FZD3: variants seen among roughly 807,000 people sequenced by gnomAD.
The protein encoded by FZD3 is frizzled class receptor 3.
A neutral mutation model predicts 60.7 loss-of-function variants in FZD3; 30 were observed. That is an observed-to-expected ratio of 0.49 (90% CI 0.37 to 0.67). FZD3 has a LOEUF of 0.67. FZD3 is among the 30% of genes least tolerant of loss of function. FZD3 has a pLI of 0.00. For missense variants in FZD3, 605 were observed against 838.7 expected (o/e 0.72, Z 3.44); for synonymous variants, 246 against 275.2 (o/e 0.89, Z 1.05).
intron 3 of FZD3, among the ~76,000 whole-genome samples, chr8:28,503,681 G>A (rs1199859461): frequency 6.6e-6 from 1 of 152,154 alleles, no homozygotes; most frequent in Non-Finnish European, 1.5e-5. Flanking sequence ...GTTAATAATA[G>A]GTTTAAATAA....
In FZD3 at chr8:28,520,781, G is replaced by A. The variant is rs759657609; in HGVS notation, c.333G>A (p.Ser111=). ...RLCQRAYSEC[S]KLMEMFGVPW... The stretch of plus-strand genomic sequence containing the variant: ...GTCAGCGGGCTTACAGTGAGTGTTC[G>A]AAGCTCATGGAGATGTTTGGTGTTC... The change falls in exon 4 of 8, where the codon TCG becomes TCA. Residue 111 remains serine (S), a synonymous_variant. Coordinates refer to ENST00000240093, the MANE Select transcript of FZD3 (RefSeq NM_017412.4). The A allele has an allele frequency of 1.2e-5, 20 of 1,609,916 alleles. No homozygotes were observed. The highest frequency in any genetic ancestry group is 6.7e-5 in the African/African-American group (5 of 74,854).
intron 5 of FZD3, among the ~76,000 whole-genome samples, chr8:28,541,954 C>A (rs573425463): frequency 6.6e-6 from 1 of 152,154 alleles, no homozygotes; most frequent in Admixed American, 6.5e-5. Flanking sequence ...TCCTATTCAA[C>A]TTCATGCTTC....
intron 7 of FZD3, among the ~76,000 whole-genome samples, chr8:28,562,450 A>G (rs1397742560): frequency 6.6e-6 from 1 of 151,974 alleles, no homozygotes. Context: ...CATTTCTTCT[A>G]TTTGTTGTTA....
intron 1 of FZD3, among the ~76,000 whole-genome samples, chr8:28,497,557 G>A (rs1272176402): frequency 3.3e-5 from 5 of 152,218 alleles, no homozygotes; most frequent in African/African-American, 9.6e-5. Flanking sequence ...TGTTCGCTCT[G>A]TAGGCACTGT....
chr8:28,558,436 A>T (rs928247878), intron 7 of FZD3, among the ~76,000 whole-genome samples: 26 of 147,348 alleles, frequency 1.8e-4, no homozygotes, highest in East Asian at 6.0e-4. Flanking sequence ...TTATTTATTT[A>T]TTTTTTTTTT....
intron 5 of FZD3, among the ~76,000 whole-genome samples, chr8:28,533,691 C>T (rs1804935776): frequency 6.6e-6 from 1 of 152,122 alleles, no homozygotes; most frequent in South Asian, 2.1e-4. Context: ...CCTCACAAAG[C>T]TGATGGAAAG....
intron 6 of FZD3, among the ~76,000 whole-genome samples, chr8:28,553,051 A>AC (rs1222970269): frequency 6.6e-6 from 1 of 152,330 alleles, no homozygotes; most frequent in East Asian, 1.9e-4. Flanking sequence ...GCATCCTCGA[A>AC]TTTTGGCACC....
chr8:28,516,105 G>C (rs1804419362), intron 3 of FZD3, among the ~76,000 whole-genome samples: 1 of 152,106 alleles, frequency 6.6e-6, no homozygotes, highest in Non-Finnish European at 1.5e-5. Context: ...AGAGTCTAAC[G>C]TTATGCTTTT....
rs900516522 is a variant in FZD3, at chr8:28,567,290, A to T, written c.*4279A>T. 4 of 152,208 alleles carry T rather than the reference A, an allele frequency of 2.6e-5. No homozygotes were observed. The highest frequency in any genetic ancestry group is 9.7e-5 in the African/African-American group (4 of 41,392). The allele number at this position is 152,208 out of a possible 1,614,324, so 9.4% of individuals were successfully genotyped here. Reference sequence around the variant, plus strand: ...TGTCTCAGCCTCCCGAGTAACTGGGACTACAGGTGCGTGCCACCACATCCA... The same window carrying T: ...TGTCTCAGCCTCCCGAGTAACTGGGTCTACAGGTGCGTGCCACCACATCCA... On this transcript the variant is annotated 3_prime_UTR_variant, in exon 8 of 8. Transcript: ENST00000240093.
intron 4 of FZD3, among the ~76,000 whole-genome samples, chr8:28,524,793 C>G (rs959062455): frequency 2.0e-5 from 3 of 152,196 alleles, no homozygotes; most frequent in African/African-American, 7.2e-5. Context: ...TATCCAGCAG[C>G]TGTTGAAAAT....
Position 28,527,314 on chromosome 8 carries a change from G to A in FZD3, c.554G>A (p.Cys185Tyr), listed in dbSNP as rs1804739336. 6.2e-7 allele frequency: 1 copy of A among 1,613,862 alleles called. No individual in the cohort carries two copies. Among genetic ancestry groups the A allele is most frequent in the Admixed American group, 1.7e-5 (1 of 59,998 alleles). Residue 185 changes from cysteine to tyrosine, a missense_variant, in exon 5 of 8, where the codon TGT becomes TAT. Transcript: ENST00000240093. The surrounding 1 kb of genome is among the most constrained non-coding windows in gnomAD (Gnocchi z 5.0). ...LGYSFLHVRD[C>Y]SPPCPNMYFR... ...TATTCTTTTCTGCATGTGCGTGATT[G>A]TTCACCTCCTTGTCCAAATATGTAC... is the stretch of plus-strand genomic sequence containing the variant.
chr8:28,497,137 A>G (rs1803864894), intron 1 of FZD3, among the ~76,000 whole-genome samples: 4 of 152,216 alleles, frequency 2.6e-5, no homozygotes, highest in African/African-American at 9.6e-5. Context: ...TTGAACCTAG[A>G]TGGATTTACT....
chr8:28,562,387 T>A (rs1470141250), intron 7 of FZD3, among the ~76,000 whole-genome samples: 1 of 152,158 alleles, frequency 6.6e-6, no homozygotes, highest in Non-Finnish European at 1.5e-5. Context: ...AAAATTTGAA[T>A]GTACCCCTCT....
At chr8:28,539,123 C>CAGTAT (rs1200080018) in intron 5 of FZD3, among the ~76,000 whole-genome samples, 1 of 152,116 alleles carries the variant, frequency 6.6e-6, no homozygotes, top group Non-Finnish European at 1.5e-5. Context: ...AGCGATGGAC[C>CAGTAT]AGTATAGGTC....
At chr8:28,498,284 C>G (rs183757872) in intron 1 of FZD3, among the ~76,000 whole-genome samples, 4 of 152,074 alleles carry the variant, frequency 2.6e-5, no homozygotes, top group African/African-American at 9.7e-5. Flanking sequence ...AGGTCCCCCC[C>G]CTTTTTTTTT....
At chr8:28,518,242 T>A (rs1335367118) in intron 3 of FZD3, among the ~76,000 whole-genome samples, 1 of 149,374 alleles carries the variant, frequency 6.7e-6, no homozygotes, top group Non-Finnish European at 1.5e-5. Context: ...TTTTTTTAAG[T>A]AGAGATAGTC....
intron 5 of FZD3, among the ~76,000 whole-genome samples, chr8:28,545,933 G>A (rs1386711497): frequency 6.6e-6 from 1 of 152,152 alleles, no homozygotes; most frequent in Admixed American, 6.5e-5. Context: ...TTATAATGCT[G>A]TATTTTTATT....
rs553912001 is a variant in FZD3, at chr8:28,560,821, A to G, written c.1788-1977A>G. 1.7e-4 allele frequency among the ~76,000 whole-genome samples: 26 copies of G among 152,292 alleles called. No individual in the cohort carries two copies. The East Asian group carries it at 4.6e-3, about 27-fold the overall frequency. ...GGCAATAATCATTATGCAAAATAAT[A>G]ATTATTAGTCTAGAATAACAAGCCC... On this transcript the variant is annotated intron_variant, in intron 7 of 7. Transcript: ENST00000240093.
intron 3 of FZD3, among the ~76,000 whole-genome samples, chr8:28,512,501 TTATAC>T (rs1804315265): frequency 6.6e-6 from 1 of 152,104 alleles, no homozygotes; most frequent in Non-Finnish European, 1.5e-5. Flanking sequence ...TTTTTTTTAA[TTATAC>T]TTTAAGTTCT....
Sources: allele counts gnomAD v4.1 joint callset (sites outside exome capture counted in the v4.1 genomes callset), GRCh38; gene constraint gnomAD v4.1.1; non-coding constraint Gnocchi (gnomAD v3.1); transcripts MANE v1.5; gene names NCBI Gene and HGNC (gene_info 2026-07-23, HGNC 2026-07-21).